Variants in ATF6B observed in about 807,000 individuals in gnomAD.
ATF6B encodes activating transcription factor 6 beta, also known as cyclic AMP-dependent transcription factor ATF-6 beta.
Under a neutral mutation model 83.5 loss-of-function variants are expected in ATF6B, and 50 were observed. The observed-to-expected ratio is 0.60, with a 90% CI of 0.48 to 0.76. The LOEUF (loss-of-function observed/expected upper bound fraction) is 0.76. Among genes scored for constraint, ATF6B ranks in the 30% least tolerant of loss-of-function variants. ATF6B has a pLI of 0.00. For missense variants in ATF6B, 790 were observed against 893.8 expected, an observed-to-expected ratio of 0.88 and a Z score of 1.48; for synonymous variants, 344 against 362.8, an observed-to-expected ratio of 0.95 and a Z score of 0.59.
In ATF6B at chr6:32,116,683, G is replaced by A. The variant is rs759245940; in HGVS notation, c.1797+21C>T. On this transcript the variant is annotated intron_variant, in intron 16 of 17. Transcript: ENST00000375203. This position sits in a 1 kb window ranked among gnomAD's most constrained non-coding sequence, Gnocchi z 5.1. Reference sequence around the variant, plus strand: ...GCTGGGAACCTGGGGTGACAGAGATGGAAGGGCAGGAGAAACTCACCCTTC... The same window carrying A: ...GCTGGGAACCTGGGGTGACAGAGATAGAAGGGCAGGAGAAACTCACCCTTC... 1 of 1,609,704 alleles carries A rather than the reference G, an allele frequency of 6.2e-7. No individual in the cohort carries two copies. Among genetic ancestry groups the A allele is most frequent in the South Asian group, 1.1e-5 (1 of 90,992 alleles).
chr6:32,117,117 G>T lies in ATF6B; in HGVS notation c.1615-10C>A. 6.2e-7 allele frequency: 1 copy of T among 1,613,588 alleles called. No homozygotes were observed. The highest frequency in any genetic ancestry group is 8.5e-7 in the Non-Finnish European group (1 of 1,179,556). On this transcript the variant is annotated splice_polypyrimidine_tract_variant and intron_variant, in intron 14 of 17. Transcript: ENST00000375203. This position sits in a 1 kb window ranked among gnomAD's most constrained non-coding sequence, Gnocchi z 5.0. The stretch of plus-strand genomic sequence containing the variant: ...TCCGTGGCTGAGACTTCTGGAAGGA[G>T]AAGTATCTAAGGACTTGGAGAGGGT...
In ATF6B at chr6:32,118,004, G is replaced by A; in HGVS notation, c.1279C>T (p.Arg427Trp). The change falls in exon 12 of 18, where the codon CGG becomes TGG. Residue 427 changes from arginine (R) to tryptophan (W), a missense_variant. Coordinates refer to ENST00000375203, the MANE Select transcript of ATF6B (RefSeq NM_004381.5). The surrounding 1 kb of genome is among the most constrained non-coding windows in gnomAD (Gnocchi z 5.2). ...GGTTGAGGCTCCCCCTTGTTCATCC[G>A]AGGAGAGATGGGAGCTGAAGGAGGC... ...SEPPSAPISP[R>W]MNKGEPQPRR... is the part of the protein sequence containing the mutation. 3.1e-6 allele frequency: 5 copies of A among 1,614,174 alleles called. No homozygotes were observed. Among genetic ancestry groups the A allele is most frequent in the Middle Eastern group, 1.7e-4 (1 of 6,048 alleles).
Position 32,119,969 on chromosome 6 carries a change from G to A in ATF6B, c.833-12C>T, listed in dbSNP as rs375559792. On this transcript the variant is annotated splice_polypyrimidine_tract_variant and intron_variant, in intron 8 of 17. Transcript: ENST00000375203. This position sits in a 1 kb window ranked among gnomAD's most constrained non-coding sequence, Gnocchi z 4.9. Reference sequence around the variant, plus strand: ...GACAACTGGGGACACTGGGGCAAGTGAGCAGAGGTCAGAGGGCTGTGCGCT... The same window carrying A: ...GACAACTGGGGACACTGGGGCAAGTAAGCAGAGGTCAGAGGGCTGTGCGCT... 11 of 1,613,336 alleles carry A rather than the reference G, an allele frequency of 6.8e-6. No individual in the cohort carries two copies. The African/African-American group carries it at 9.3e-5, about 14-fold the overall frequency.
intron 4 of ATF6B, among the ~76,000 whole-genome samples, chr6:32,126,676 T>C (rs1462433500): frequency 4.6e-5 from 7 of 152,004 alleles, no homozygotes; most frequent in Non-Finnish European, 1.0e-4. Context: ...CTGGGCAACA[T>C]AGGAAGACCC....
In ATF6B at chr6:32,117,628, G is replaced by C. The variant is rs150925114; in HGVS notation, c.1491C>G (p.Leu497=). The part of the protein sequence containing the change: ...LLLRDLDQLF[L]SSDCRHFNRT... ...GGTTGAAGTGCCGGCAATCAGAGGA[G>C]AGGAAGAGCTGGTCTAGGTCTCTTA... The change falls in exon 13 of 18, where the codon CTC becomes CTG. Residue 497 remains leucine (L), a synonymous_variant. Coordinates refer to ENST00000375203, the MANE Select transcript of ATF6B (RefSeq NM_004381.5). This position sits in a 1 kb window ranked among gnomAD's most constrained non-coding sequence, Gnocchi z 5.0. The C allele has an allele frequency of 6.2e-7, 1 of 1,614,250 alleles. No individual in the cohort carries two copies. Among genetic ancestry groups the C allele is most frequent in the African/African-American group, 1.3e-5 (1 of 75,066 alleles).
Position 32,126,097 on chromosome 6 carries a change from G to C in ATF6B, c.478+20C>G, listed in dbSNP as rs770140847. 1.2e-6 allele frequency: 2 copies of C among 1,613,912 alleles called. No homozygotes were observed. On this transcript the variant is annotated intron_variant, in intron 5 of 17. Coordinates refer to ENST00000375203, the MANE Select transcript of ATF6B (RefSeq NM_004381.5). ...TCTCCCGTAGTAGAGCCAAGGATTG[G>C]GGGCAGGCTGTTTTATTACCTGAGG...
In ATF6B at chr6:32,120,989, C is replaced by G; in HGVS notation, c.700G>C (p.Gly234Arg). ...SMGPSLDGSS[G>R]KALPTRKPPL... ...TCCAAGTGTCAGGAGACTCCATTAC[C>G]TGAGGAGCCATCAAGGGATGGGCCC... The change falls in exon 7 of 18, where the codon GGC (glycine) becomes CGC (arginine). Residue 234 changes from glycine to arginine, a missense_variant and splice_region_variant. Physicochemically the swap from Gly to Arg is moderately radical, Grantham distance 125. This residue lies in a region of ATF6B where 530 missense variants were observed against 632.6 expected (regional missense o/e 0.84). Coordinates refer to ENST00000375203, the MANE Select transcript of ATF6B (RefSeq NM_004381.5). 2 of 1,522,022 alleles carry G rather than the reference C, an allele frequency of 1.3e-6. No individual in the cohort carries two copies. The highest frequency in any genetic ancestry group is 1.8e-6 in the Non-Finnish European group (2 of 1,136,674). 94.3% of individuals were successfully genotyped at this position (1,522,022 alleles called of 1,614,324 possible).
rs1377781968 is a variant in ATF6B, at chr6:32,115,368, C to G, written c.*371G>C. ...CCCCACCCTCCCTTACTCCCAGTAA[C>G]TAGCTCCAAAATGAAAAAACTTCCC... On this transcript the variant is annotated 3_prime_UTR_variant, in exon 18 of 18. Transcript: ENST00000375203. 4.6e-5 allele frequency: 3 copies of G among 64,826 alleles called. No individual in the cohort carries two copies. The highest frequency in any genetic ancestry group is 1.9e-4 in the African/African-American group (3 of 15,634). 4.0% of individuals were successfully genotyped at this position (64,826 alleles called of 1,614,324 possible). A position where few individuals can be genotyped will look rare whatever the true frequency, so the allele number is the denominator to read the frequency against.
rs775671150 is a variant in ATF6B, at chr6:32,115,867, C to T, written c.1984G>A (p.Val662Met). Residue 662 changes from valine (V) to methionine (M), a missense_variant, in exon 18 of 18, where the codon GTG becomes ATG. By Grantham distance (21) the Val-to-Met change is conservative (BLOSUM62 1). Around this residue, in one of 3 missense-constraint regions of ATF6B, gnomAD observed 530 missense variants for 632.6 expected, o/e 0.84. Transcript: ENST00000375203. ...GGCTGTTTTCGGAGCGAGGGGGGCA[C>T]TGTGGAGGTCTTGATGTGAATCACC... is the stretch of plus-strand genomic sequence containing the variant. ...TRVIHIKTST[V>M]PPSLRKQPSP... 42 of 1,614,060 alleles carry T rather than the reference C, an allele frequency of 2.6e-5. No individual in the cohort carries two copies. Among genetic ancestry groups the T allele is most frequent in the Non-Finnish European group, 3.6e-5 (42 of 1,180,040 alleles).
In ATF6B at chr6:32,117,147, G is replaced by C; in HGVS notation, c.1615-40C>G. On this transcript the variant is annotated intron_variant, in intron 14 of 17. Coordinates refer to ENST00000375203, the MANE Select transcript of ATF6B (RefSeq NM_004381.5). The surrounding 1 kb of genome is among the most constrained non-coding windows in gnomAD (Gnocchi z 5.0). ...ATCTAAGGACTTGGAGAGGGTGAAG[G>C]GAAAAGGGAAAGAGACAAACAGCCC... is the stretch of plus-strand genomic sequence containing the variant. 1 of 1,603,260 alleles carries C rather than the reference G, an allele frequency of 6.2e-7. No homozygotes were observed. The highest frequency in any genetic ancestry group is 2.2e-5 in the East Asian group (1 of 44,814).
chr6:32,118,550 C>T lies in ATF6B; in HGVS notation c.1244+225G>A, dbSNP rs1018865117. On this transcript the variant is annotated intron_variant, in intron 11 of 17. Coordinates refer to ENST00000375203, the MANE Select transcript of ATF6B (RefSeq NM_004381.5). This position sits in a 1 kb window ranked among gnomAD's most constrained non-coding sequence, Gnocchi z 5.2. ...AGCAGAGGTTGCAGTGAGCCGAGAT[C>T]GTGCCACTGCACTCCAGCCTGGGCA... 3.3e-5 allele frequency among the ~76,000 whole-genome samples: 5 copies of T among 152,146 alleles called. No homozygotes were observed. Among genetic ancestry groups the T allele is most frequent in the Non-Finnish European group, 7.3e-5 (5 of 68,038 alleles).
intron 5 of ATF6B, among the ~76,000 whole-genome samples, chr6:32,123,548 C>A (rs1781849609): frequency 6.6e-6 from 1 of 152,056 alleles, no homozygotes; most frequent in Non-Finnish European, 1.5e-5. Flanking sequence ...GCCACCATGC[C>A]TGGCTAATTT....
At position 32,117,769 on chromosome 6, in the gene ATF6B, A is replaced by G; in HGVS notation, c.1425-75T>C. On this transcript the variant is annotated intron_variant, in intron 12 of 17. Coordinates refer to ENST00000375203, the MANE Select transcript of ATF6B (RefSeq NM_004381.5). The surrounding 1 kb of genome is among the most constrained non-coding windows in gnomAD (Gnocchi z 5.0). The stretch of plus-strand genomic sequence containing the variant: ...CACAACAAAGAAGGCGATGACGGCA[A>G]GAGAAAGCTTTGGGTCCCCCTCACT... 1.9e-6 allele frequency: 3 copies of G among 1,582,062 alleles called. No individual in the cohort carries two copies. In the South Asian group the frequency reaches 3.4e-5, roughly 18 times the overall value.
In ATF6B at chr6:32,116,392, T is replaced by G; in HGVS notation, c.1882+88A>C. 7.9e-7 allele frequency: 1 copy of G among 1,269,022 alleles called. No homozygotes were observed. The highest frequency in any genetic ancestry group is 1.4e-5 in the South Asian group (1 of 69,802). 78.6% of individuals were successfully genotyped at this position (1,269,022 alleles called of 1,614,324 possible). On this transcript the variant is annotated intron_variant, in intron 17 of 17. Coordinates refer to ENST00000375203, the MANE Select transcript of ATF6B (RefSeq NM_004381.5). The surrounding 1 kb of genome is among the most constrained non-coding windows in gnomAD (Gnocchi z 5.1). ...CCTGTGGGTCCAGCAGCTCTCTGGA[T>G]GCCCTGCTCCTCTCCCCCTTCCCCC...
At chr6:32,120,746 C>T (rs761452938) in intron 8 of ATF6B, 25 bp downstream of exon 8, 10 of 1,605,236 alleles carry the variant, frequency 6.2e-6, no homozygotes, top group African/African-American at 2.7e-5. Context: ...CCACCATGCC[C>T]GGCCCTTTTC....
At position 32,116,899 on chromosome 6, in the gene ATF6B, AAGAC is replaced by A. The variant is rs905286862; in HGVS notation, c.1686-88_1686-85del. 1.9e-5 allele frequency: 30 copies of A among 1,547,390 alleles called. No individual in the cohort carries two copies. The East Asian group carries it at 6.5e-4, about 34-fold the overall frequency. ...AGGGAAGCGGGTAGGATGAGAGAAA[AAGAC>A]AGGAGACCCCCAGTGGAGGAGGGAG... On this transcript the variant is annotated intron_variant, in intron 15 of 17. Transcript: ENST00000375203. This position sits in a 1 kb window ranked among gnomAD's most constrained non-coding sequence, Gnocchi z 5.1.
At chr6:32,123,260 T>C (rs1781837818) in intron 5 of ATF6B, among the ~76,000 whole-genome samples, 1 of 139,566 alleles carries the variant, frequency 7.2e-6, no homozygotes, top group Non-Finnish European at 1.5e-5. Flanking sequence ...AAAAGGGAAC[T>C]ATTTAACCAT....
At chr6:32,121,238 A>C in intron 6 of ATF6B, 25 bp downstream of exon 6, 1 of 1,612,568 alleles carries the variant, frequency 6.2e-7, no homozygotes, top group Non-Finnish European at 8.5e-7. Context: ...GAAAACCTGG[A>C]GGAAGGAAGG....
At chr6:32,122,845 CAAAA>C (rs746213748) in intron 5 of ATF6B, among the ~76,000 whole-genome samples, 1 of 52,682 alleles carries the variant, frequency 1.9e-5, no homozygotes. Flanking sequence ...GACTCTGTCT[CAAAA>C]AAAAAAAAAA....
Sources: gnomAD v4.1 joint callset for allele counts (sites outside exome capture counted in the v4.1 genomes callset) on GRCh38, gnomAD v4.1.1 for gene constraint, gnomAD v4.1.1 regional missense constraint, Gnocchi (gnomAD v3.1) non-coding constraint, MANE v1.5 for transcripts, NCBI Gene and HGNC (gene_info 2026-07-23, HGNC 2026-07-21) for gene names.